The following SCHIP1 variants were observed in gnomAD, a reference collection of about 807,000 sequenced individuals.
SCHIP1 encodes schwannomin interacting protein 1.
Under a neutral mutation model 29.7 loss-of-function variants are expected in SCHIP1, and 8 were observed. That is an observed-to-expected ratio of 0.27 (90% CI 0.16 to 0.49). The LOEUF (loss-of-function observed/expected upper bound fraction) is 0.49, where lower values mean the gene tolerates loss of function less well. Among genes scored for constraint, SCHIP1 ranks in the 20% least tolerant of loss-of-function variants. The pLI is 0.99. For missense variants in SCHIP1, 193 were observed against 294.6 expected (o/e 0.66, Z 2.52); for synonymous variants, 76 against 94.9 (o/e 0.80, Z 1.16).
the SCHIP1 span, among the ~76,000 whole-genome samples, chr3:159,567,049 T>G: frequency 1.1e-4 from 17 of 152,362 alleles, no homozygotes; most frequent in South Asian, 3.1e-3. Flanking sequence ...TATCACAGTT[T>G]CAAGGTATTT....
At chr3:159,615,726 A>G in the SCHIP1 span, among the ~76,000 whole-genome samples, 3 of 152,224 alleles carry the variant, frequency 2.0e-5, no homozygotes, top group Admixed American at 1.3e-4. Flanking sequence ...TGGGAGATGC[A>G]GAAACGATGA....
chr3:159,507,261 T>G, the SCHIP1 span, among the ~76,000 whole-genome samples: 1 of 150,780 alleles, frequency 6.6e-6, no homozygotes, highest in Non-Finnish European at 1.5e-5. Context: ...TGATTTGGCA[T>G]TCTGTTTGTC....
the SCHIP1 span, among the ~76,000 whole-genome samples, chr3:159,618,346 T>G: frequency 6.6e-6 from 1 of 152,222 alleles, no homozygotes; most frequent in Non-Finnish European, 1.5e-5. Flanking sequence ...GTAGGTATAT[T>G]TGGCTTAGTT....
At chr3:159,338,293 GAAGGTGATGCTTGAGTAA>G in the SCHIP1 span, among the ~76,000 whole-genome samples, 3 of 152,284 alleles carry the variant, frequency 2.0e-5, 1 homozygote, top group African/African-American at 4.8e-5. Context: ...GCTTCAGTGA[GAAGGTGATGCTTGAGTAA>G]AAGGTGATGT....
chr3:159,553,655 A>G, the SCHIP1 span, among the ~76,000 whole-genome samples: 2 of 152,302 alleles, frequency 1.3e-5, no homozygotes, highest in East Asian at 1.9e-4. Context: ...CTGTTGCCCA[A>G]GCTGGAGGGC....
At chr3:159,453,679 T>C in the SCHIP1 span, among the ~76,000 whole-genome samples, 21 of 152,320 alleles carry the variant, frequency 1.4e-4, no homozygotes, top group East Asian at 3.5e-3. Flanking sequence ...AAGCACCCCA[T>C]AAATATTAAT....
At chr3:159,702,443 A>G in the SCHIP1 span, among the ~76,000 whole-genome samples, 1 of 152,350 alleles carries the variant, frequency 6.6e-6, no homozygotes, top group African/African-American at 2.4e-5. Context: ...TAATCGCAAA[A>G]TTATAACAGA....
the SCHIP1 span, among the ~76,000 whole-genome samples, chr3:159,533,633 C>G: frequency 8.9e-4 from 135 of 152,248 alleles, no homozygotes; most frequent in African/African-American, 3.1e-3. Flanking sequence ...TCTGCCCCCC[C>G]ACATCTCTGT....
At chr3:159,435,711 C>A in the SCHIP1 span, among the ~76,000 whole-genome samples, 1 of 152,070 alleles carries the variant, frequency 6.6e-6, no homozygotes, top group African/African-American at 2.4e-5. Context: ...GCTAATAAGA[C>A]CATGTTTGTG....
the SCHIP1 span, among the ~76,000 whole-genome samples, chr3:159,414,611 G>A: frequency 3.3e-5 from 5 of 152,088 alleles, no homozygotes; most frequent in East Asian, 3.8e-4. Context: ...CCTGATCACT[G>A]CATAAATATG....
At chr3:159,372,901 T>C in the SCHIP1 span, among the ~76,000 whole-genome samples, 63 of 152,040 alleles carry the variant, frequency 4.1e-4, no homozygotes, top group Non-Finnish European at 7.4e-4. Context: ...ACAGAAACCT[T>C]ATAGTCCAAA....
the SCHIP1 span, among the ~76,000 whole-genome samples, chr3:159,396,221 C>T: frequency 3.3e-5 from 5 of 151,436 alleles, 1 homozygote; most frequent in South Asian, 6.3e-4. Flanking sequence ...TGTCTCTGCA[C>T]TTGAGATGGG....
chr3:159,700,279 A>G, the SCHIP1 span, among the ~76,000 whole-genome samples: 1 of 152,246 alleles, frequency 6.6e-6, no homozygotes, highest in South Asian at 2.1e-4. Flanking sequence ...CAAATCCTAC[A>G]TTCTATAGGA....
At chr3:159,616,576 C>T in the SCHIP1 span, among the ~76,000 whole-genome samples, 279 of 152,302 alleles carry the variant, frequency 1.8e-3, 1 homozygote, top group African/African-American at 6.4e-3. Context: ...CACAGTGCCA[C>T]GTAGAAGAGG....
At chr3:159,888,512 A>G (rs1717175018) in intron 4 of SCHIP1, 1 of 250,030 alleles carries the variant, frequency 4.0e-6, no homozygotes, top group Non-Finnish European at 7.6e-6. Flanking sequence ...AATTTTTTCC[A>G]TGTCATTGAT....
chr3:159,637,513 G>A, the SCHIP1 span, among the ~76,000 whole-genome samples: 3 of 152,004 alleles, frequency 2.0e-5, no homozygotes, highest in Non-Finnish European at 4.4e-5. Flanking sequence ...AAGTTTGTAA[G>A]GAAATAGAGA....
intron 1 of SCHIP1, among the ~76,000 whole-genome samples, chr3:159,863,132 G>A (rs1714238043): frequency 1.3e-5 from 2 of 152,160 alleles, no homozygotes; most frequent in South Asian, 4.1e-4. Context: ...ACGAGGTCAA[G>A]AGATTGAGAC....
chr3:159,711,942 TTGCTGCTGC>T, the SCHIP1 span, among the ~76,000 whole-genome samples: 3 of 151,298 alleles, frequency 2.0e-5, no homozygotes, highest in Non-Finnish European at 4.4e-5. Context: ...TAGGAAGATA[TTGCTGCTGC>T]TGCTGCTGCT....
At chr3:159,572,897 A>C in the SCHIP1 span, among the ~76,000 whole-genome samples, 2 of 149,674 alleles carry the variant, frequency 1.3e-5, no homozygotes, top group South Asian at 4.2e-4. Context: ...TGTTGGTTTA[A>C]AGTGTGTTTT....
Sources: allele counts gnomAD v4.1 joint callset (sites outside exome capture counted in the v4.1 genomes callset), GRCh38; gene constraint gnomAD v4.1.1; transcripts MANE v1.5; gene names NCBI Gene and HGNC (gene_info 2026-07-23, HGNC 2026-07-21).